Variants in DPYD observed in about 807,000 individuals in gnomAD.
DPYD encodes dihydropyrimidine dehydrogenase [NADP(+)].
Under a neutral mutation model 116.2 loss-of-function variants are expected in DPYD, and 109 were observed. The ratio of observed to expected loss-of-function variants is 0.94; its 90% CI spans 0.80 to 1.10. The LOEUF (loss-of-function observed/expected upper bound fraction) is 1.10. Ranked by LOEUF, DPYD falls within the 50% of genes least tolerant of loss-of-function variation. The pLI is 0.00. For missense variants in DPYD, 1,302 were observed against 1,254.5 expected (o/e 1.04, Z -0.57); for synonymous variants, 440 against 432.0 (o/e 1.02, Z -0.23).
chr1:97,323,461 A>G (rs1192403045), intron 16 of DPYD, among the ~76,000 whole-genome samples: 5 of 139,278 alleles, frequency 3.6e-5, no homozygotes, highest in African/African-American at 1.3e-4. Flanking sequence ...CATATCATAT[A>G]TACATATATG....
intron 16 of DPYD, among the ~76,000 whole-genome samples, chr1:97,365,255 AG>A (rs1670965462): frequency 6.6e-6 from 1 of 152,220 alleles, no homozygotes; most frequent in Non-Finnish European, 1.5e-5. Context: ...TAGGCCAGTC[AG>A]ATCACGTAAC....
chr1:97,079,127 T>C lies in DPYD; in HGVS notation c.2927A>G (p.Glu976Gly). ...SGYQAIQFDP[E>G]THLPTITDTC... ...GTCGGTTATGGTGGGCAGGTGGGTTTCTGGATCAAACTGTATAGCCTGCAA... is the reference window on the plus strand; with the variant it reads ...GTCGGTTATGGTGGGCAGGTGGGTTCCTGGATCAAACTGTATAGCCTGCAA... The change falls in exon 23 of 23, where the codon GAA becomes GGA. Residue 976 changes from glutamate (E) to glycine (G), a missense_variant. Coordinates refer to ENST00000370192, the MANE Select transcript of DPYD (RefSeq NM_000110.4). 6.2e-7 allele frequency: 1 copy of C among 1,613,544 alleles called. No individual in the cohort carries two copies.
At chr1:97,820,697 T>C (rs1228764378) in intron 3 of DPYD, among the ~76,000 whole-genome samples, 24 of 152,146 alleles carry the variant, frequency 1.6e-4, no homozygotes, top group Admixed American at 1.6e-3. Flanking sequence ...AAGAATACAT[T>C]TCAGAGACAT....
chr1:97,453,423 TATA>T (rs1251900246), intron 13 of DPYD, among the ~76,000 whole-genome samples: 1 of 152,064 alleles, frequency 6.6e-6, no homozygotes, highest in Non-Finnish European at 1.5e-5. Context: ...ATCTTAACAG[TATA>T]CATAGGAATT....
intron 2 of DPYD, among the ~76,000 whole-genome samples, chr1:97,869,022 CT>C: frequency 6.6e-6 from 1 of 151,876 alleles, no homozygotes; most frequent in Non-Finnish European, 1.5e-5. Flanking sequence ...CTGCCTCTAT[CT>C]TCTCTCTCCT....
chr1:97,700,864 A>G (rs1488019792), intron 5 of DPYD, among the ~76,000 whole-genome samples: 2 of 151,846 alleles, frequency 1.3e-5, no homozygotes, highest in African/African-American at 4.8e-5. Flanking sequence ...AAGTACATTT[A>G]GTAAAACATA....
chr1:97,362,358 G>A (rs56306472), intron 16 of DPYD, among the ~76,000 whole-genome samples: 6,684 of 152,202 alleles, frequency 0.044, 171 homozygotes, highest in Non-Finnish European at 0.07. Flanking sequence ...AATCAATATC[G>A]TGAAAATGGC....
intron 20 of DPYD, among the ~76,000 whole-genome samples, chr1:97,187,041 T>C (rs902166180): frequency 6.6e-6 from 1 of 152,154 alleles, no homozygotes; most frequent in African/African-American, 2.4e-5. Context: ...GCCATAAACA[T>C]ATGAATGTAT....
chr1:97,398,870 C>G (rs984215382), intron 14 of DPYD, among the ~76,000 whole-genome samples: 1 of 149,200 alleles, frequency 6.7e-6, no homozygotes, highest in South Asian at 2.1e-4. Context: ...GAGTAGATTG[C>G]AAAACTTTTC....
At chr1:97,815,107 GAGAAGAGAAGAGAAA>G (rs1668533283) in intron 3 of DPYD, among the ~76,000 whole-genome samples, 6 of 150,184 alleles carry the variant, frequency 4.0e-5, no homozygotes, top group Admixed American at 2.0e-4. Flanking sequence ...GAAGAGAAAA[GAGAAGAGAAGAGAAA>G]AGAAAAGAAG....
intron 13 of DPYD, among the ~76,000 whole-genome samples, chr1:97,487,030 T>C (rs1678677696): frequency 6.6e-6 from 1 of 152,086 alleles, no homozygotes; most frequent in Non-Finnish European, 1.5e-5. Flanking sequence ...TCATTTTATC[T>C]GTACTCTTAG....
intron 12 of DPYD, among the ~76,000 whole-genome samples, chr1:97,529,274 T>G (rs1649377581): frequency 6.6e-6 from 1 of 152,124 alleles, no homozygotes; most frequent in Non-Finnish European, 1.5e-5. Context: ...GCATATAAAA[T>G]TTATCTATAT....
chr1:97,271,941 G>C (rs1356426903), intron 18 of DPYD, among the ~76,000 whole-genome samples: 3 of 152,130 alleles, frequency 2.0e-5, no homozygotes, highest in African/African-American at 7.2e-5. Context: ...CTTTTTAAGA[G>C]CAAACTGATA....
chr1:97,497,247 ATATT>A (rs528533714), intron 13 of DPYD, among the ~76,000 whole-genome samples: 1 of 151,948 alleles, frequency 6.6e-6, no homozygotes, highest in Non-Finnish European at 1.5e-5. Flanking sequence ...TTAGCTAGGA[ATATT>A]TATTCATTTC....
chr1:97,693,712 A>C (rs1441760517), intron 6 of DPYD, among the ~76,000 whole-genome samples: 1 of 152,206 alleles, frequency 6.6e-6, no homozygotes, highest in African/African-American at 2.4e-5. Context: ...ACTATGAACA[A>C]AGAATTCCAG....
chr1:97,520,224 T>C (rs577416482), intron 12 of DPYD, among the ~76,000 whole-genome samples: 1 of 152,228 alleles, frequency 6.6e-6, no homozygotes, highest in Admixed American at 6.5e-5. Flanking sequence ...GACATTTATA[T>C]GCAAAAAAAT....
intron 8 of DPYD, among the ~76,000 whole-genome samples, chr1:97,650,724 A>G (rs1464814727): frequency 6.6e-6 from 1 of 152,100 alleles, no homozygotes; most frequent in Non-Finnish European, 1.5e-5. Flanking sequence ...ACTCTAATAT[A>G]GATTATTCCA....
At chr1:97,286,387 G>A (rs1374380551) in intron 18 of DPYD, among the ~76,000 whole-genome samples, 7 of 151,970 alleles carry the variant, frequency 4.6e-5, no homozygotes, top group Non-Finnish European at 5.9e-5. Context: ...TGAATCTGAC[G>A]ATTATGTGTC....
At chr1:97,472,626 G>C (rs1004200999) in intron 13 of DPYD, among the ~76,000 whole-genome samples, 2 of 152,284 alleles carry the variant, frequency 1.3e-5, no homozygotes, top group African/African-American at 4.8e-5. Context: ...CAGTAAGCCT[G>C]TAAGTTCACT....
Sources: allele counts gnomAD v4.1 joint callset (sites outside exome capture counted in the v4.1 genomes callset), GRCh38; gene constraint gnomAD v4.1.1; transcripts MANE v1.5; gene names NCBI Gene and HGNC (gene_info 2026-07-23, HGNC 2026-07-21).